ADCY5: variants seen among roughly 807,000 people sequenced by gnomAD.
The protein encoded by ADCY5 is adenylate cyclase 5.
ADCY5 carries 30 observed loss-of-function variants against 119.7 expected under a neutral mutation model. The observed-to-expected ratio is 0.25, with a 90% CI of 0.19 to 0.34. ADCY5 has a LOEUF of 0.34. ADCY5 is among the 10% of genes least tolerant of loss of function. The probability of loss-of-function intolerance (pLI) is 1.00; values close to 1 mark genes in which losing one functional copy is unlikely to be tolerated. For synonymous variants in ADCY5, 753 were observed against 762.2 expected, an observed-to-expected ratio of 0.99 and a Z score of 0.20; for missense variants, 1,324 against 1,775.2, an observed-to-expected ratio of 0.75 and a Z score of 4.57.
Position 123,296,225 on chromosome 3 carries a change from A to T in ADCY5, c.2931-9T>A, listed in dbSNP as rs775985458. The T allele has an allele frequency of 6.2e-7, 1 of 1,613,152 alleles. No individual in the cohort carries two copies. The highest frequency in any genetic ancestry group is 8.5e-7 in the Non-Finnish European group (1 of 1,179,726). On this transcript the variant is annotated splice_polypyrimidine_tract_variant and intron_variant, in intron 16 of 20. Transcript: ENST00000462833. Reference sequence around the variant, plus strand: ...TGGTTGCATGCTCAGGGCTGTGGGGAGGTGGTGGACAGGCCTGAGACGGCC... The same window carrying T: ...TGGTTGCATGCTCAGGGCTGTGGGGTGGTGGTGGACAGGCCTGAGACGGCC...
At chr3:123,422,298 T>A (rs935027641) in intron 1 of ADCY5, among the ~76,000 whole-genome samples, 1 of 152,190 alleles carries the variant, frequency 6.6e-6, no homozygotes, top group Admixed American at 6.5e-5. Flanking sequence ...GTAGGCACAG[T>A]GGCCAGAGGA....
chr3:123,365,871 G>C (rs890672577), intron 1 of ADCY5, among the ~76,000 whole-genome samples: 1 of 152,156 alleles, frequency 6.6e-6, no homozygotes, highest in South Asian at 2.1e-4. Flanking sequence ...TAGGAAACTT[G>C]ATTTATCCAG....
Position 123,448,769 on chromosome 3 carries a change from C to T in ADCY5, c.-224G>A. Reference sequence around the variant, plus strand: ...TAGCTGAGGATCCGCGTCAGAAGTCCCAGGTCCGAAATGGAGTTGCCTCCG... The same window carrying T: ...TAGCTGAGGATCCGCGTCAGAAGTCTCAGGTCCGAAATGGAGTTGCCTCCG... On this transcript the variant is annotated 5_prime_UTR_variant, in exon 1 of 21. Coordinates refer to ENST00000462833, the MANE Select transcript of ADCY5 (RefSeq NM_183357.3). The T allele has an allele frequency of 2.5e-6, 1 of 404,490 alleles. No homozygotes were observed. Among genetic ancestry groups the T allele is most frequent in the East Asian group, 3.6e-5 (1 of 27,728 alleles). The allele number at this position is 404,490 out of a possible 1,614,324, so 25.1% of individuals were successfully genotyped here.
chr3:123,443,759 C>G (rs1039387238), intron 1 of ADCY5, among the ~76,000 whole-genome samples: 3 of 152,188 alleles, frequency 2.0e-5, no homozygotes, highest in Non-Finnish European at 2.9e-5. Flanking sequence ...AGTGGCTCCC[C>G]CAAGCTCACG....
chr3:123,354,495 T>C (rs1303912907), intron 1 of ADCY5, among the ~76,000 whole-genome samples: 1 of 152,140 alleles, frequency 6.6e-6, no homozygotes, highest in East Asian at 1.9e-4. Context: ...GCTGTGATTA[T>C]GAAGTGAGAC....
chr3:123,323,764 A>G (rs1182671420), intron 8 of ADCY5, among the ~76,000 whole-genome samples: 1 of 151,944 alleles, frequency 6.6e-6, no homozygotes, highest in Non-Finnish European at 1.5e-5. Flanking sequence ...GGCTCAAGTG[A>G]TCCTCCTGCC....
chr3:123,315,533 C>T (rs780764918), intron 11 of ADCY5, among the ~76,000 whole-genome samples: 2 of 152,158 alleles, frequency 1.3e-5, no homozygotes, highest in Non-Finnish European at 2.9e-5. Context: ...GGACTATGCA[C>T]TCAAGCTACA....
At chr3:123,297,882 T>C (rs1460886479) in intron 15 of ADCY5, among the ~76,000 whole-genome samples, 14 of 152,284 alleles carry the variant, frequency 9.2e-5, no homozygotes, top group South Asian at 4.1e-4. Context: ...GAATTTTATA[T>C]CGATTATATC....
At chr3:123,371,916 GA>G (rs1251532295) in intron 1 of ADCY5, among the ~76,000 whole-genome samples, 1 of 152,216 alleles carries the variant, frequency 6.6e-6, no homozygotes, top group Non-Finnish European at 1.5e-5. Context: ...GGAGTGAGGG[GA>G]TTTGAAGAAG....
intron 1 of ADCY5, among the ~76,000 whole-genome samples, chr3:123,408,853 G>A (rs1268775316): frequency 6.7e-6 from 1 of 150,316 alleles, no homozygotes; most frequent in Non-Finnish European, 1.5e-5. Flanking sequence ...GCAGGTGGCT[G>A]TAATCCAGCT....
intron 1 of ADCY5, among the ~76,000 whole-genome samples, chr3:123,377,579 T>A (rs2107548299): frequency 6.6e-6 from 1 of 152,348 alleles, no homozygotes; most frequent in East Asian, 1.9e-4. Flanking sequence ...AGTGTGCAAC[T>A]TCCCTGCTAG....
At chr3:123,382,769 G>C (rs1015941088) in intron 1 of ADCY5, among the ~76,000 whole-genome samples, 14 of 152,202 alleles carry the variant, frequency 9.2e-5, no homozygotes, top group African/African-American at 3.4e-4. Context: ...AAGGAATGGA[G>C]TTGGTGTTTA....
intron 1 of ADCY5, among the ~76,000 whole-genome samples, chr3:123,375,885 T>C (rs1474684221): frequency 6.6e-6 from 1 of 152,134 alleles, no homozygotes; most frequent in East Asian, 2.0e-4. Flanking sequence ...CTAGTGATTC[T>C]TAGGTACGCA....
At chr3:123,338,184 G>A (rs1942110138) in intron 3 of ADCY5, among the ~76,000 whole-genome samples, 1 of 152,206 alleles carries the variant, frequency 6.6e-6, no homozygotes, top group African/African-American at 2.4e-5. Context: ...GCCAGCTGCT[G>A]AGGAACCAGG....
chr3:123,373,162 G>A (rs924643082), intron 1 of ADCY5, among the ~76,000 whole-genome samples: 9 of 152,228 alleles, frequency 5.9e-5, no homozygotes, highest in African/African-American at 2.2e-4. Flanking sequence ...TTCAATAAAT[G>A]TTCGAGTAGG....
At chr3:123,445,306 G>A (rs1040297019) in intron 1 of ADCY5, among the ~76,000 whole-genome samples, 2 of 152,070 alleles carry the variant, frequency 1.3e-5, no homozygotes, top group African/African-American at 4.8e-5. Context: ...CTCTGTTGCT[G>A]CAATGGTATT....
chr3:123,322,663 ACCCTACCGGCTATT>A (rs894752186), intron 8 of ADCY5, among the ~76,000 whole-genome samples: 1 of 151,872 alleles, frequency 6.6e-6, no homozygotes, highest in Non-Finnish European at 1.5e-5. Flanking sequence ...CCTGGGCCCC[ACCCTACCGGCTATT>A]CCTGGGTTTG....
chr3:123,371,190 C>T (rs1943628920), intron 1 of ADCY5, among the ~76,000 whole-genome samples: 4 of 152,170 alleles, frequency 2.6e-5, no homozygotes, highest in Admixed American at 2.6e-4. Context: ...TGGTTAGGAC[C>T]TGGTATCAAA....
At chr3:123,289,700 C>T (rs374309770) in intron 19 of ADCY5, 50 bp downstream of exon 19, 5 of 1,597,628 alleles carry the variant, frequency 3.1e-6, no homozygotes, top group African/African-American at 2.7e-5. Flanking sequence ...CCCTGCCAGC[C>T]CTCTGCCTGA....
Sources: allele counts gnomAD v4.1 joint callset (sites outside exome capture counted in the v4.1 genomes callset), GRCh38; gene constraint gnomAD v4.1.1; transcripts MANE v1.5; gene names NCBI Gene and HGNC (gene_info 2026-07-23, HGNC 2026-07-21).